DENND6A: variants seen among roughly 807,000 people sequenced by gnomAD.
DENND6A encodes the protein DENN domain containing 6A.
In DENND6A, 43 loss-of-function variants were observed where a neutral mutation model predicts 95.5. The ratio of observed to expected loss-of-function variants is 0.45; its 90% CI spans 0.35 to 0.58. The LOEUF (loss-of-function observed/expected upper bound fraction) is 0.58, where lower values mean the gene tolerates loss of function less well. DENND6A is among the 20% of genes least tolerant of loss of function. The pLI is 0.00. For missense variants in DENND6A, 574 were observed against 736.0 expected (o/e 0.78, Z 2.55); for synonymous variants, 257 against 260.4 (o/e 0.99, Z 0.13).
At chr3:57,679,421 C>T in intron 1 of DENND6A, 1 of 828,046 alleles carries the variant, frequency 1.2e-6, no homozygotes. Flanking sequence ...TTCTTCCTAT[C>T]ATCTCTTCTT....
At chr3:57,659,394 C>T (rs1298338876) in intron 7 of DENND6A, among the ~76,000 whole-genome samples, 3 of 150,280 alleles carry the variant, frequency 2.0e-5, no homozygotes, top group African/African-American at 7.2e-5. Flanking sequence ...ACACAGTAAT[C>T]ACTAACTCCC....
chr3:57,636,391 T>C (rs1219198872), intron 12 of DENND6A, among the ~76,000 whole-genome samples: 1 of 152,164 alleles, frequency 6.6e-6, no homozygotes, highest in East Asian at 1.9e-4. Flanking sequence ...TATTTTTTCA[T>C]TGATTCAGTA....
At chr3:57,660,477 C>T (rs763146875) in intron 7 of DENND6A, among the ~76,000 whole-genome samples, 21 of 152,214 alleles carry the variant, frequency 1.4e-4, no homozygotes, top group Middle Eastern at 3.4e-3. Flanking sequence ...TGTGAGCCAC[C>T]ACGCCTGTCC....
intron 1 of DENND6A, among the ~76,000 whole-genome samples, chr3:57,691,683 A>C (rs1559836884): frequency 2.0e-5 from 3 of 151,528 alleles, no homozygotes; most frequent in Admixed American, 6.6e-5. Context: ...AAAAAAAAAA[A>C]AAAAAAAAAA....
At chr3:57,649,612 G>A (rs1157562974) in intron 9 of DENND6A, among the ~76,000 whole-genome samples, 1 of 148,580 alleles carries the variant, frequency 6.7e-6, no homozygotes, top group Non-Finnish European at 1.5e-5. Flanking sequence ...AAGCCCAAAT[G>A]CCCATCAATC....
intron 1 of DENND6A, among the ~76,000 whole-genome samples, chr3:57,684,916 C>A (rs2077198798): frequency 6.6e-6 from 1 of 151,986 alleles, no homozygotes; most frequent in Non-Finnish European, 1.5e-5. Context: ...TCACACTGGG[C>A]AACACAAAAA....
At chr3:57,659,344 A>G (rs1022181266) in intron 7 of DENND6A, among the ~76,000 whole-genome samples, 164 bp from the exon 8 acceptor site, 25 of 152,242 alleles carry the variant, frequency 1.6e-4, no homozygotes, top group African/African-American at 5.8e-4. Context: ...TTTTAGTCAC[A>G]GCAGAAAGTA....
intron 5 of DENND6A, among the ~76,000 whole-genome samples, chr3:57,663,178 A>G (rs1474583827): frequency 6.8e-6 from 1 of 146,292 alleles, no homozygotes; most frequent in African/African-American, 2.6e-5. Flanking sequence ...AAAAAAATCT[A>G]TATATAAGCC....
chr3:57,692,785 C>G lies in DENND6A; in HGVS notation c.234G>C (p.Val78=), dbSNP rs1409589825. The change falls in exon 1 of 20, where the codon GTG becomes GTC. Residue 78 remains valine (V), a synonymous_variant. Coordinates refer to ENST00000311128, the MANE Select transcript of DENND6A (RefSeq NM_152678.3). ...VGFDLELGQA[V]EVIYPQHSKL... is the part of the protein sequence containing the mutation. The stretch of plus-strand genomic sequence containing the variant: ...AAAGGGCGGGGCCGGGCCTCACCTC[C>G]ACGGCCTGGCCCAGCTCCAGGTCGA... 2 of 1,523,996 alleles carry G rather than the reference C, an allele frequency of 1.3e-6. No individual in the cohort carries two copies. The highest frequency in any genetic ancestry group is 1.2e-5 in the South Asian group (1 of 80,774). The allele number at this position is 1,523,996 out of a possible 1,614,324, so 94.4% of individuals were successfully genotyped here.
At chr3:57,631,754 A>C (rs1477552320) in intron 15 of DENND6A, among the ~76,000 whole-genome samples, 1 of 106,964 alleles carries the variant, frequency 9.3e-6, no homozygotes, top group Non-Finnish European at 1.7e-5. Flanking sequence ...ACGGAGTCTC[A>C]CTCTTTCGCC....
chr3:57,657,619 A>T (rs2071352007), intron 9 of DENND6A, 61 bp downstream of exon 9: 1 of 1,115,922 alleles, frequency 9.0e-7, no homozygotes. Context: ...TTTTTTAAAT[A>T]AATTAACACC....
intron 1 of DENND6A, among the ~76,000 whole-genome samples, chr3:57,679,932 AC>A (rs2077148065): frequency 6.6e-6 from 1 of 152,208 alleles, no homozygotes; most frequent in Non-Finnish European, 1.5e-5. Flanking sequence ...TAGAGATGGT[AC>A]AGGGTGCTGA....
chr3:57,630,918 T>C lies in DENND6A; in HGVS notation c.1407+7A>G, dbSNP rs2070655025. 3 of 1,613,422 alleles carry C rather than the reference T, an allele frequency of 1.9e-6. No individual in the cohort carries two copies. The highest frequency in any genetic ancestry group is 2.5e-6 in the Non-Finnish European group (3 of 1,179,882). ...GAGGACCCAAATAGATTTGAATATATTCATACCTTCCATGGGGAAATACTT... is the reference window on the plus strand; with the variant it reads ...GAGGACCCAAATAGATTTGAATATACTCATACCTTCCATGGGGAAATACTT... On this transcript the variant is annotated splice_region_variant and intron_variant, in intron 16 of 19. Coordinates refer to ENST00000311128, the MANE Select transcript of DENND6A (RefSeq NM_152678.3).
intron 6 of DENND6A, 35 bp from the exon 7 acceptor site, chr3:57,660,874 G>C: frequency 6.6e-7 from 1 of 1,517,798 alleles, no homozygotes; most frequent in Non-Finnish European, 8.9e-7. Context: ...CTTAGAATAA[G>C]TGAAAATATC....
At chr3:57,684,996 CT>C (rs1211233080) in intron 1 of DENND6A, among the ~76,000 whole-genome samples, 1 of 152,144 alleles carries the variant, frequency 6.6e-6, no homozygotes, top group Non-Finnish European at 1.5e-5. Context: ...TCACTGCAAC[CT>C]CCGCCTCCCT....
chr3:57,691,247 A>AT (rs775746065), intron 1 of DENND6A, among the ~76,000 whole-genome samples: 23 of 152,330 alleles, frequency 1.5e-4, no homozygotes, highest in Non-Finnish European at 1.6e-4. Context: ...CAAGGTGAAT[A>AT]ATAAATGGCT....
At chr3:57,688,297 A>T (rs2077229598) in intron 1 of DENND6A, among the ~76,000 whole-genome samples, 1 of 152,064 alleles carries the variant, frequency 6.6e-6, no homozygotes, top group African/African-American at 2.4e-5. Flanking sequence ...CACTCGGCTT[A>T]TTAAGAGTCT....
intron 9 of DENND6A, among the ~76,000 whole-genome samples, chr3:57,653,632 G>A (rs1378473618): frequency 3.3e-5 from 5 of 151,606 alleles, no homozygotes; most frequent in African/African-American, 9.7e-5. Flanking sequence ...TGTAGTCCCA[G>A]CTACTCGGGA....
chr3:57,650,435 C>CACACACACACATACAT (rs2071181101), intron 9 of DENND6A, among the ~76,000 whole-genome samples: 2 of 151,644 alleles, frequency 1.3e-5, no homozygotes, highest in South Asian at 4.2e-4. Context: ...CACACACACA[C>CACACACACACATACAT]ACACACACAC....
Sources: allele counts gnomAD v4.1 joint callset (sites outside exome capture counted in the v4.1 genomes callset), GRCh38; gene constraint gnomAD v4.1.1; transcripts MANE v1.5; gene names NCBI Gene and HGNC (gene_info 2026-07-23, HGNC 2026-07-21).